STK39: variants seen among roughly 807,000 people sequenced by gnomAD.
The protein encoded by STK39 is STE20/SPS1-related proline-alanine-rich protein kinase.
A neutral mutation model predicts 77.8 loss-of-function variants in STK39; 20 were observed. That is an observed-to-expected ratio of 0.26 (90% CI 0.18 to 0.37). The LOEUF (loss-of-function observed/expected upper bound fraction) is 0.37. STK39 is among the 10% of genes least tolerant of loss of function. The pLI, the probability that STK39 is intolerant of heterozygous loss-of-function variation, is 1.00. For synonymous variants in STK39, 246 were observed against 234.1 expected, an observed-to-expected ratio of 1.05 and a Z score of -0.47; for missense variants, 479 against 656.5, an observed-to-expected ratio of 0.73 and a Z score of 2.95.
At chr2:168,122,429 G>A (rs1388255205) in intron 10 of STK39, among the ~76,000 whole-genome samples, 3 of 151,970 alleles carry the variant, frequency 2.0e-5, no homozygotes, top group Non-Finnish European at 4.4e-5. Context: ...TTTATCCAGT[G>A]TACTGTCATT....
chr2:168,216,330 T>C (rs1255004733), intron 1 of STK39, among the ~76,000 whole-genome samples: 1 of 152,260 alleles, frequency 6.6e-6, no homozygotes, highest in Non-Finnish European at 1.5e-5. Flanking sequence ...AATCATCTTC[T>C]GTCAATCGAC....
At chr2:168,220,537 T>C (rs904504702) in intron 1 of STK39, among the ~76,000 whole-genome samples, 13 of 152,178 alleles carry the variant, frequency 8.5e-5, no homozygotes, top group Admixed American at 7.2e-4. Context: ...AATAGAGCAC[T>C]GATAGGTGAA....
At chr2:168,072,068 T>C (rs937103868) in intron 12 of STK39, among the ~76,000 whole-genome samples, 23 of 152,100 alleles carry the variant, frequency 1.5e-4, no homozygotes, top group African/African-American at 5.1e-4. Context: ...AATACAATAC[T>C]ATGTGCTGGG....
intron 5 of STK39, among the ~76,000 whole-genome samples, chr2:168,157,693 T>C (rs1306775158): frequency 1.3e-5 from 2 of 151,798 alleles, no homozygotes; most frequent in African/African-American, 4.8e-5. Flanking sequence ...TCTTATTACC[T>C]CCCAAAGGCC....
chr2:168,190,142 C>T (rs1448112554), intron 1 of STK39, among the ~76,000 whole-genome samples: 1 of 152,250 alleles, frequency 6.6e-6, no homozygotes, highest in Non-Finnish European at 1.5e-5. Flanking sequence ...AGAATCAGCC[C>T]TTCCACCTAG....
chr2:168,187,028 T>C (rs1448753621), intron 1 of STK39, among the ~76,000 whole-genome samples: 1 of 152,214 alleles, frequency 6.6e-6, no homozygotes, highest in African/African-American at 2.4e-5. Context: ...AAGATTGTCA[T>C]GTATAATGCA....
chr2:168,063,940 A>C (rs920068292), intron 13 of STK39, among the ~76,000 whole-genome samples: 7 of 152,212 alleles, frequency 4.6e-5, no homozygotes, highest in African/African-American at 1.7e-4. Flanking sequence ...CCTGCAATGC[A>C]GAGGAAGGCG....
rs1395106925 is a variant in STK39, at chr2:168,243,737, T to TTCCATTAC, written c.208+3483_208+3490dup. Among the ~76,000 whole-genome samples the TTCCATTAC allele has an allele frequency of 4.6e-5, 7 of 152,336 alleles. No homozygotes were observed. The South Asian group carries it at 1.4e-3, about 32-fold the overall frequency. On this transcript the variant is annotated intron_variant, in intron 1 of 17. Coordinates refer to ENST00000355999, the MANE Select transcript of STK39 (RefSeq NM_013233.3). ...TGAGAAGTTCATTGAGGCTGCTCCA[T>TTCCATTAC]TCCATTACGGATGGCCAAGTAAACA...
intron 14 of STK39, among the ~76,000 whole-genome samples, chr2:168,053,032 C>G (rs1685436853): frequency 6.6e-6 from 1 of 152,198 alleles, no homozygotes; most frequent in South Asian, 2.1e-4. Flanking sequence ...TTACTCAGTT[C>G]TGTATCTTCA....
intron 14 of STK39, among the ~76,000 whole-genome samples, chr2:168,045,730 T>C (rs140345946): frequency 1.4e-3 from 217 of 152,306 alleles, no homozygotes; most frequent in African/African-American, 5.1e-3. Context: ...ATTCTAAAGA[T>C]TGATGCAAAT....
chr2:167,993,590 G>C (rs1683758090), intron 16 of STK39, among the ~76,000 whole-genome samples: 2 of 152,156 alleles, frequency 1.3e-5, no homozygotes, highest in South Asian at 4.1e-4. Context: ...GGGAAGGAAA[G>C]ACCCCAGGTC....
At chr2:168,225,587 T>C (rs567683099) in intron 1 of STK39, among the ~76,000 whole-genome samples, 1 of 152,292 alleles carries the variant, frequency 6.6e-6, no homozygotes, top group African/African-American at 2.4e-5. Flanking sequence ...ATTTCCCAAT[T>C]TACAATCCAT....
chr2:168,243,806 ATAT>A (rs1690833043), intron 1 of STK39, among the ~76,000 whole-genome samples: 2 of 152,186 alleles, frequency 1.3e-5, no homozygotes, highest in Non-Finnish European at 2.9e-5. Context: ...AATCTAGGTA[ATAT>A]TATTAACACC....
chr2:168,055,664 G>C (rs1158435096), intron 14 of STK39, among the ~76,000 whole-genome samples: 1 of 152,216 alleles, frequency 6.6e-6, no homozygotes, highest in Non-Finnish European at 1.5e-5. Context: ...CATCCATAGG[G>C]CTGAGCTGTC....
Position 168,129,705 on chromosome 2 carries a change from G to A in STK39, c.1023+5C>T, listed in dbSNP as rs1165137228. On this transcript the variant is annotated splice_donor_5th_base_variant and intron_variant, in intron 9 of 17. Coordinates refer to ENST00000355999, the MANE Select transcript of STK39 (RefSeq NM_013233.3). ...CAGATTTACTTGGGTTTTTAAGCAT[G>A]TTACCTTGGCTTTCTGGAAGAATTT... The A allele has an allele frequency of 3.1e-6, 5 of 1,613,934 alleles. No homozygotes were observed. The highest frequency in any genetic ancestry group is 4.2e-6 in the Non-Finnish European group (5 of 1,179,950).
In STK39 at chr2:168,236,769, C is replaced by G. The variant is rs4358087; in HGVS notation, c.208+10459G>C. ...AGATCAGATGGTTGTAGATATGCGG[C>G]ATTATTTCTGAGGGCTCTGTTCTGT... is the stretch of plus-strand genomic sequence containing the variant. On this transcript the variant is annotated intron_variant, in intron 1 of 17. Transcript: ENST00000355999. Among the ~76,000 whole-genome samples the G allele has an allele frequency of 2.8e-4, 42 of 152,192 alleles. No homozygotes were observed. In the South Asian group the frequency reaches 8.7e-3, roughly 32 times the overall value.
intron 14 of STK39, among the ~76,000 whole-genome samples, chr2:168,022,992 G>A (rs905919654): frequency 6.6e-6 from 1 of 152,186 alleles, no homozygotes; most frequent in Non-Finnish European, 1.5e-5. Context: ...GTTGCTCACT[G>A]CAGCCTCGAA....
chr2:168,100,113 A>G (rs1355407294), intron 10 of STK39, among the ~76,000 whole-genome samples: 1 of 152,236 alleles, frequency 6.6e-6, no homozygotes, highest in African/African-American at 2.4e-5. Flanking sequence ...TCAATTTTTC[A>G]TACAGTTTAT....
chr2:168,106,796 T>C (rs943056216), intron 10 of STK39, among the ~76,000 whole-genome samples: 3 of 152,186 alleles, frequency 2.0e-5, no homozygotes, highest in Admixed American at 6.5e-5. Context: ...CACTCCAGCC[T>C]GGGTTACAAA....
Sources: gnomAD v4.1 joint callset for allele counts (sites outside exome capture counted in the v4.1 genomes callset) on GRCh38, gnomAD v4.1.1 for gene constraint, MANE v1.5 for transcripts, NCBI Gene and HGNC (gene_info 2026-07-23, HGNC 2026-07-21) for gene names.